COL28A1: variants seen among roughly 807,000 people sequenced by gnomAD.
The protein encoded by COL28A1 is collagen alpha-1(XXVIII) chain.
A neutral mutation model predicts 150.2 loss-of-function variants in COL28A1; 161 were observed. That is an observed-to-expected ratio of 1.07 (90% CI 0.94 to 1.22). The LOEUF is 1.22. COL28A1 is among the 50% of genes most tolerant of loss of function. The pLI is 0.00. For synonymous variants in COL28A1, 552 were observed against 469.7 expected (o/e 1.18, Z -2.26); for missense variants, 1,617 against 1,388.3 (o/e 1.16, Z -2.62).
At chr7:7,353,685 G>A (rs1780280244), downstream of COL28A1, among the ~76,000 whole-genome samples, 1 of 152,122 alleles carries the variant, frequency 6.6e-6, no homozygotes, top group Non-Finnish European at 1.5e-5. Context: ...CAGGGAAGAA[G>A]GAGAAGGACA....
intron 15 of COL28A1, among the ~76,000 whole-genome samples, chr7:7,469,563 C>A (rs1788257688): frequency 1.1e-5 from 1 of 92,610 alleles, no homozygotes; most frequent in Non-Finnish European, 2.1e-5. Flanking sequence ...CAATGCCATC[C>A]CCATCAAGCT....
chr7:7,393,811 G>C (rs566754869), intron 27 of COL28A1, among the ~76,000 whole-genome samples: 2 of 152,284 alleles, frequency 1.3e-5, no homozygotes, highest in Non-Finnish European at 2.9e-5. Context: ...GTCAACTTCA[G>C]ACTGCTGTGC....
In COL28A1 at chr7:7,453,478, G is replaced by A; in HGVS notation, c.1402C>T (p.Pro468Ser). 1 of 1,258,566 alleles carries A rather than the reference G, an allele frequency of 7.9e-7. No homozygotes were observed. Among genetic ancestry groups the A allele is most frequent in the South Asian group, 1.2e-5 (1 of 82,196 alleles). The allele number at this position is 1,258,566 out of a possible 1,614,324, so 78.0% of individuals were successfully genotyped here. ...GIQGPIGPPG[P>S]QGPAGQGLPG... is the part of the protein sequence containing the mutation. ...AAGCCCTGTCCTGCGGGCCCTTGTG[G>A]ACCAGGTGGACCAATAGGACCTTGG... is the stretch of plus-strand genomic sequence containing the variant. The change falls in exon 17 of 35, where the codon CCA becomes TCA. Residue 468 changes from proline to serine, a missense_variant. Physicochemically the swap from Pro to Ser is moderately conservative, Grantham distance 74. Coordinates refer to ENST00000399429, the MANE Select transcript of COL28A1 (RefSeq NM_001037763.3).
At chr7:7,486,666 G>C (rs1779641436) in intron 13 of COL28A1, among the ~76,000 whole-genome samples, 1 of 152,084 alleles carries the variant, frequency 6.6e-6, no homozygotes, top group African/African-American at 2.4e-5. Flanking sequence ...TTTGAGTTTT[G>C]CCAAATGCTT....
chr7:7,343,962 T>C, the COL28A1 span, among the ~76,000 whole-genome samples: 1 of 151,978 alleles, frequency 6.6e-6, no homozygotes, highest in African/African-American at 2.4e-5. Flanking sequence ...TGTGCTATAT[T>C]GTACTACTGC....
At chr7:7,486,108 G>T (rs1223052579) in intron 13 of COL28A1, among the ~76,000 whole-genome samples, 4 of 152,072 alleles carry the variant, frequency 2.6e-5, no homozygotes, top group Non-Finnish European at 5.9e-5. Flanking sequence ...AATGTATTAA[G>T]TATTCTCTGA....
At chr7:7,493,056 T>C (rs937577066) in intron 11 of COL28A1, among the ~76,000 whole-genome samples, 9 of 142,424 alleles carry the variant, frequency 6.3e-5, no homozygotes, top group African/African-American at 2.1e-4. Flanking sequence ...CATTAATATA[T>C]AATATATATA....
At position 7,393,977 on chromosome 7, in the gene COL28A1, GAA is replaced by G. The variant is rs34143609; in HGVS notation, c.2137-12367_2137-12366del. 3.4e-4 allele frequency among the ~76,000 whole-genome samples: 51 copies of G among 148,428 alleles called. 1 individual carries two copies. The South Asian group carries it at 9.0e-3, about 26-fold the overall frequency. On this transcript the variant is annotated intron_variant, in intron 27 of 34. Transcript: ENST00000399429. ...GGCGTTCCATGTGCCACTGGGGTAT[GAA>G]AAAAAAAAACACTCCTGCAGCTAGC...
intron 6 of COL28A1, among the ~76,000 whole-genome samples, chr7:7,519,418 CT>C (rs1194896235): frequency 2.6e-5 from 4 of 152,180 alleles, no homozygotes; most frequent in South Asian, 2.1e-4. Flanking sequence ...ATATCACTCC[CT>C]TTTCTTTAAT....
chr7:7,419,979 T>C, intron 25 of COL28A1, 26 bp from the exon 26 acceptor site: 1 of 1,500,832 alleles, frequency 6.7e-7, no homozygotes, highest in Non-Finnish European at 9.0e-7. Flanking sequence ...AAATAACAAG[T>C]TACTAATTTT....
intron 25 of COL28A1, among the ~76,000 whole-genome samples, chr7:7,423,862 T>C (rs1162804585): frequency 2.6e-5 from 4 of 152,112 alleles, no homozygotes; most frequent in East Asian, 1.9e-4. Flanking sequence ...CCCTCAACCT[T>C]TGGGAGTATC....
Position 7,524,239 on chromosome 7 carries a change from A to T in COL28A1, c.692T>A (p.Phe231Tyr). ...DKIQDRLDILFEKKCERKICE... is the reference protein window; with the variant it reads ...DKIQDRLDILYEKKCERKICE... ...GCATGTGGTGCTTACCTTCTTTTCA[A>T]ATAAGATATCCTACAAGGGAAAAAA... Residue 231 changes from phenylalanine to tyrosine, a missense_variant, in exon 4 of 35, where the codon TTT (phenylalanine) becomes TAT (tyrosine). Physicochemically the swap from Phe to Tyr is conservative, Grantham distance 22 (BLOSUM62 3). Transcript: ENST00000399429. 7.4e-7 allele frequency: 1 copy of T among 1,360,312 alleles called. No homozygotes were observed. Among genetic ancestry groups the T allele is most frequent in the Non-Finnish European group, 1.1e-6 (1 of 948,682 alleles). The allele number at this position is 1,360,312 out of a possible 1,614,324, so 84.3% of individuals were successfully genotyped here. A position where few individuals can be genotyped will look rare whatever the true frequency, so the allele number is the denominator to read the frequency against.
At chr7:7,488,871 G>A (rs1483155781) in intron 13 of COL28A1, among the ~76,000 whole-genome samples, 1 of 152,166 alleles carries the variant, frequency 6.6e-6, no homozygotes, top group Non-Finnish European at 1.5e-5. Flanking sequence ...CATCTTGTAA[G>A]AAGTTACAGT....
intron 21 of COL28A1, among the ~76,000 whole-genome samples, chr7:7,439,697 C>A (rs1703242501): frequency 6.6e-6 from 1 of 152,144 alleles, no homozygotes; most frequent in South Asian, 2.1e-4. Context: ...AATACTAATA[C>A]AACACATCTG....
At chr7:7,477,499 C>A (rs193153986) in intron 13 of COL28A1, among the ~76,000 whole-genome samples, 140 of 152,312 alleles carry the variant, frequency 9.2e-4, no homozygotes, top group African/African-American at 2.9e-3. Flanking sequence ...TTGGTGGGTT[C>A]TTGGTCTCAC....
chr7:7,338,645 G>A, the COL28A1 span, among the ~76,000 whole-genome samples: 1 of 152,076 alleles, frequency 6.6e-6, no homozygotes, highest in African/African-American at 2.4e-5. Context: ...AAGATAATTT[G>A]ACCTCTTCTT....
At chr7:7,379,079 T>C (rs1479134463) in intron 30 of COL28A1, among the ~76,000 whole-genome samples, 1 of 152,110 alleles carries the variant, frequency 6.6e-6, no homozygotes, top group African/African-American at 2.4e-5. Flanking sequence ...GCATCCAGAG[T>C]GTGGCATAGA....
the COL28A1 span, among the ~76,000 whole-genome samples, chr7:7,344,204 GTTC>G: frequency 6.6e-6 from 1 of 151,936 alleles, no homozygotes; most frequent in African/African-American, 2.4e-5. Flanking sequence ...TACTATTTAT[GTTC>G]TTATTATTCT....
chr7:7,521,909 G>A lies in COL28A1; in HGVS notation c.755C>T (p.Pro252Leu), dbSNP rs772159374. The part of the protein sequence containing the change: ...CEKGDPGDPG[P>L]PGTHGNPGIK... ...TCAAAGTGGAAGTATACTCACAGGAGGCCCTGGATCACCTGGATCTCCCTT... is the reference window on the plus strand; with the variant it reads ...TCAAAGTGGAAGTATACTCACAGGAAGCCCTGGATCACCTGGATCTCCCTT... The change falls in exon 5 of 35, where the codon CCT becomes CTT. Residue 252 changes from proline to leucine, a missense_variant. By Grantham distance (98) the Pro-to-Leu change is moderately conservative. Coordinates refer to ENST00000399429, the MANE Select transcript of COL28A1 (RefSeq NM_001037763.3). 7 of 1,069,398 alleles carry A rather than the reference G, an allele frequency of 6.5e-6. No individual in the cohort carries two copies. In the East Asian group the frequency reaches 1.4e-4, roughly 22 times the overall value. The allele number at this position is 1,069,398 out of a possible 1,614,324, so 66.2% of individuals were successfully genotyped here.
Sources: gnomAD v4.1 joint callset for allele counts (sites outside exome capture counted in the v4.1 genomes callset) on GRCh38, gnomAD v4.1.1 for gene constraint, MANE v1.5 for transcripts, NCBI Gene and HGNC (gene_info 2026-07-23, HGNC 2026-07-21) for gene names.